NPAS2: variants seen among roughly 807,000 people sequenced by gnomAD.
NPAS2 encodes the protein neuronal PAS domain protein 2.
Under a neutral mutation model 107.5 loss-of-function variants are expected in NPAS2, and 23 were observed. That is an observed-to-expected ratio of 0.21 (90% confidence interval 0.15 to 0.30). The LOEUF (loss-of-function observed/expected upper bound fraction) is 0.30, where lower values mean the gene tolerates loss of function less well. Among genes scored for constraint, NPAS2 ranks in the 10% least tolerant of loss-of-function variants. The pLI, the probability that NPAS2 is intolerant of heterozygous loss-of-function variation, is 1.00. For missense variants in NPAS2, 756 were observed against 1,043.3 expected, an observed-to-expected ratio of 0.72 and a Z score of 3.79; for synonymous variants, 403 against 417.5, an observed-to-expected ratio of 0.97 and a Z score of 0.42.
intron 1 of NPAS2, among the ~76,000 whole-genome samples, chr2:100,886,046 C>T (rs1680676758): frequency 6.6e-6 from 1 of 152,174 alleles, no homozygotes; most frequent in African/African-American, 2.4e-5. Context: ...ATTTAAAAAT[C>T]CAAACTTCTC....
chr2:100,960,457 T>C (rs1024484275), intron 7 of NPAS2, among the ~76,000 whole-genome samples: 4 of 151,518 alleles, frequency 2.6e-5, no homozygotes, highest in African/African-American at 9.7e-5. Context: ...AGAGCAAGAC[T>C]CTGTCTCAAA....
At chr2:100,877,150 C>T (rs1680020892) in intron 1 of NPAS2, among the ~76,000 whole-genome samples, 1 of 152,120 alleles carries the variant, frequency 6.6e-6, no homozygotes, top group African/African-American at 2.4e-5. Context: ...GTGATCTCCT[C>T]CTGGGAATTG....
At chr2:100,860,698 G>A (rs1170612703) in intron 1 of NPAS2, among the ~76,000 whole-genome samples, 1 of 151,942 alleles carries the variant, frequency 6.6e-6, no homozygotes, top group Non-Finnish European at 1.5e-5. Context: ...CTTTTATTTG[G>A]TGGATTATAA....
chr2:100,841,688 C>T (rs578043901), intron 1 of NPAS2, among the ~76,000 whole-genome samples: 2 of 152,258 alleles, frequency 1.3e-5, no homozygotes, highest in South Asian at 4.1e-4. Context: ...CATACACACA[C>T]AAATACATTT....
At chr2:100,826,636 A>C (rs1006637475) in intron 1 of NPAS2, among the ~76,000 whole-genome samples, 3 of 152,174 alleles carry the variant, frequency 2.0e-5, no homozygotes, top group African/African-American at 4.8e-5. Context: ...TATTGAGTTG[A>C]CTGTTACAGT....
intron 1 of NPAS2, among the ~76,000 whole-genome samples, chr2:100,840,620 T>C (rs1331485675): frequency 6.6e-6 from 1 of 151,892 alleles, no homozygotes; most frequent in Non-Finnish European, 1.5e-5. Context: ...TTTTTAATCT[T>C]AACCCCCACA....
intron 12 of NPAS2, among the ~76,000 whole-genome samples, chr2:100,973,406 C>T (rs993151257): frequency 2.0e-5 from 3 of 152,144 alleles, no homozygotes; most frequent in South Asian, 2.1e-4. Flanking sequence ...CTTCCTGGAC[C>T]GACTTCTCTG....
At chr2:100,940,965 C>T (rs948502696) in intron 5 of NPAS2, among the ~76,000 whole-genome samples, 3 of 152,158 alleles carry the variant, frequency 2.0e-5, no homozygotes, top group South Asian at 2.1e-4. Flanking sequence ...CCAGCAGCAA[C>T]GCCCCTCTTG....
intron 2 of NPAS2, among the ~76,000 whole-genome samples, chr2:100,906,937 C>T (rs1682187116): frequency 6.6e-6 from 1 of 152,200 alleles, no homozygotes; most frequent in South Asian, 2.1e-4. Flanking sequence ...AACTTCAATA[C>T]AGACTTCTTT....
chr2:100,874,514 G>T (rs1275509144), intron 1 of NPAS2, among the ~76,000 whole-genome samples: 1 of 152,074 alleles, frequency 6.6e-6, no homozygotes, highest in Admixed American at 6.5e-5. Flanking sequence ...GGCTGAGGAG[G>T]ACAGATCACT....
intron 5 of NPAS2, among the ~76,000 whole-genome samples, chr2:100,947,310 G>A (rs940947280): frequency 2.0e-5 from 3 of 152,154 alleles, no homozygotes; most frequent in African/African-American, 7.2e-5. Context: ...CAGCACTTTG[G>A]GAGGCCGGGG....
At chr2:100,863,128 G>A (rs1010811352) in intron 1 of NPAS2, among the ~76,000 whole-genome samples, 3 of 152,086 alleles carry the variant, frequency 2.0e-5, no homozygotes, top group Admixed American at 6.5e-5. Flanking sequence ...ACAACAGCCC[G>A]ACCTTCTCAC....
At chr2:100,857,898 C>T (rs1678685268) in intron 1 of NPAS2, among the ~76,000 whole-genome samples, 1 of 152,200 alleles carries the variant, frequency 6.6e-6, no homozygotes, top group South Asian at 2.1e-4. Flanking sequence ...TGCCTCCTGG[C>T]ATTGAAGAAG....
chr2:100,859,939 G>A lies in NPAS2; in HGVS notation c.-23+39525G>A, dbSNP rs1358610026. ...CTGTTTTTTACTAAACCATTTGAAGGTAAGTTGCAGATATGAGGCTTAAGG... is the reference window on the plus strand; with the variant it reads ...CTGTTTTTTACTAAACCATTTGAAGATAAGTTGCAGATATGAGGCTTAAGG... On this transcript the variant is annotated intron_variant, in intron 1 of 20. Coordinates refer to ENST00000335681, the MANE Select transcript of NPAS2 (RefSeq NM_002518.4). 3.9e-5 allele frequency among the ~76,000 whole-genome samples: 6 copies of A among 152,164 alleles called. No homozygotes were observed. The South Asian group carries it at 6.2e-4, about 16-fold the overall frequency.
At chr2:100,956,040 G>A (rs1376633441) in intron 7 of NPAS2, among the ~76,000 whole-genome samples, 1 of 152,038 alleles carries the variant, frequency 6.6e-6, no homozygotes, top group Non-Finnish European at 1.5e-5. Flanking sequence ...GGGTAGCTGG[G>A]ACTACAGGCG....
At chr2:100,884,935 C>G (rs888005190) in intron 1 of NPAS2, among the ~76,000 whole-genome samples, 1 of 148,010 alleles carries the variant, frequency 6.8e-6, no homozygotes, top group African/African-American at 2.5e-5. Flanking sequence ...GGCCTAAGAT[C>G]CTTTATATAT....
At position 100,931,903 on chromosome 2, in the gene NPAS2, G is replaced by A. The variant is rs191239121; in HGVS notation, c.182-1007G>A. 6.9e-4 allele frequency among the ~76,000 whole-genome samples: 105 copies of A among 152,184 alleles called. 1 individual carries two copies. The highest frequency in any genetic ancestry group is 2.5e-3 in the African/African-American group (102 of 41,570). On this transcript the variant is annotated intron_variant, in intron 3 of 20. Transcript: ENST00000335681. ...CGTAAGAGAGATTATCAAAAACACA[G>A]GCACAAAGGAGAGAGCCTTGAAATC...
intron 5 of NPAS2, among the ~76,000 whole-genome samples, chr2:100,938,095 C>G (rs1684451296): frequency 6.6e-6 from 1 of 152,200 alleles, no homozygotes; most frequent in Non-Finnish European, 1.5e-5. Context: ...GCTGTGGCTA[C>G]AGATTCTTTT....
intron 5 of NPAS2, 112 bp downstream of exon 5, chr2:100,937,954 G>A (rs1306600812): frequency 3.4e-6 from 3 of 874,376 alleles, no homozygotes; most frequent in South Asian, 1.3e-5. Context: ...CAGGTGAGAA[G>A]AGGGCGGAGA....
Sources: allele counts gnomAD v4.1 joint callset (sites outside exome capture counted in the v4.1 genomes callset), GRCh38; gene constraint gnomAD v4.1.1; transcripts MANE v1.5; gene names NCBI Gene and HGNC (gene_info 2026-07-23, HGNC 2026-07-21).